The following REPS2 variants were observed in gnomAD, a reference collection of about 807,000 sequenced individuals.
The protein encoded by REPS2 is ralBP1-associated Eps domain-containing protein 2.
Under a neutral mutation model 53.6 loss-of-function variants are expected in REPS2, and 23 were observed. That is an observed-to-expected ratio of 0.43 (90% confidence interval 0.31 to 0.61). The LOEUF is 0.61. REPS2 is among the 20% of genes least tolerant of loss of function. REPS2 has a pLI of 0.11. For synonymous variants in REPS2, 238 were observed against 218.6 expected, an observed-to-expected ratio of 1.09 and a Z score of -0.78; for missense variants, 446 against 534.9, an observed-to-expected ratio of 0.83 and a Z score of 1.64.
chrX:17,010,426 T>G (rs2147809457), intron 2 of REPS2, among the ~76,000 whole-genome samples: 1 of 112,145 alleles, frequency 8.9e-6, no homozygotes, highest in South Asian at 3.7e-4. Context: ...CAGAAGTCCA[T>G]ATCCCTAGGA....
In REPS2 at chrX:17,143,722, C is replaced by A. The variant is rs760454875; in HGVS notation, c.1915-3691C>A. On this transcript the variant is annotated intron_variant, in intron 17 of 17. Transcript: ENST00000357277. ...TTCTAAATCTTCTGTTGTTTAATAA[C>A]CAATAATTTTTTGTTCTCTGTTTAT... Among the ~76,000 whole-genome samples, 24 of 110,977 alleles carry A rather than the reference C, an allele frequency of 2.2e-4. 1 individual carries two copies. The East Asian group carries it at 6.8e-3, about 31-fold the overall frequency.
intron 16 of REPS2, chrX:17,137,691 G>A (rs1354723803): frequency 1.8e-5 from 2 of 111,506 alleles, no homozygotes; most frequent in African/African-American, 6.5e-5. Flanking sequence ...TTGTAGCCTC[G>A]AATTCCTGGG....
intron 8 of REPS2, among the ~76,000 whole-genome samples, chrX:17,060,082 A>G (rs530955487): frequency 5.4e-5 from 6 of 110,480 alleles, no homozygotes; most frequent in South Asian, 7.8e-4. Context: ...AGGAGGATCA[A>G]TTGAGGTCAG....
rs200648745 is a variant in REPS2 at position 16,979,276 on chromosome X, CT to C, written c.274-26943del. Among the ~76,000 whole-genome samples, 875 of 111,646 alleles carry C rather than the reference CT, an allele frequency of 7.8e-3. 11 individuals carry two copies. Among genetic ancestry groups the C allele is most frequent in the African/African-American group, 0.028 (848 of 30,699 alleles). ...GGATTTAAACTAATTGTCTTAAATG[CT>C]TCATGGGATAGGAGATGATCCAATG... is the stretch of plus-strand genomic sequence containing the variant. On this transcript the variant is annotated intron_variant, in intron 1 of 17. Transcript: ENST00000357277.
chrX:17,147,268 C>T, intron 17 of REPS2, 145 bp from the exon 18 acceptor site: 1 of 427,441 alleles, frequency 2.3e-6, no homozygotes. Context: ...AATCTGATAC[C>T]TCCCAGTCCT....
chrX:17,006,743 C>A (rs943056095), intron 2 of REPS2, among the ~76,000 whole-genome samples: 1 of 111,596 alleles, frequency 9.0e-6, no homozygotes, highest in African/African-American at 3.3e-5. Context: ...TTCTCTTTCC[C>A]ATACCTGCCA....
intron 3 of REPS2, 61 bp from the exon 4 acceptor site, chrX:17,024,998 C>T: frequency 1.7e-6 from 2 of 1,207,426 alleles, no homozygotes; most frequent in Non-Finnish European, 2.2e-6. Flanking sequence ...TGCTTCCTGA[C>T]TGCAGCTCAG....
In REPS2 at chrX:17,022,381, A is replaced by G. The variant is rs187674930; in HGVS notation, c.546+110A>G. Reference sequence around the variant, plus strand: ...AGCAAATCTCACCATCTGGAACCCAATTACAGACTTGGAAGTGAGCCAGTA... The same window carrying G: ...AGCAAATCTCACCATCTGGAACCCAGTTACAGACTTGGAAGTGAGCCAGTA... On this transcript the variant is annotated intron_variant, in intron 3 of 17. Coordinates refer to ENST00000357277, the MANE Select transcript of REPS2 (RefSeq NM_004726.3). 187 of 739,743 alleles carry G rather than the reference A, an allele frequency of 2.5e-4. No homozygotes were observed. In the African/African-American group the frequency reaches 2.8e-3, roughly 11 times the overall value. The allele number at this position is 739,743 out of a possible 1,213,427, so 61.0% of individuals were successfully genotyped here. A position where few individuals can be genotyped will look rare whatever the true frequency, so the allele number is the denominator to read the frequency against.
chrX:17,033,902 C>T (rs972928036), intron 5 of REPS2, among the ~76,000 whole-genome samples: 4 of 112,196 alleles, frequency 3.6e-5, no homozygotes, highest in African/African-American at 1.3e-4. Context: ...CCTCCACTCT[C>T]TGGCCATTTC....
chrX:16,949,138 C>G (rs1385410248), intron 1 of REPS2, among the ~76,000 whole-genome samples: 1 of 110,502 alleles, frequency 9.0e-6, no homozygotes, highest in Admixed American at 9.7e-5. Context: ...TTTGCATTAC[C>G]CCATCAGTGT....
intron 14 of REPS2, among the ~76,000 whole-genome samples, chrX:17,107,642 T>C (rs1056162145): frequency 8.9e-6 from 1 of 111,885 alleles, no homozygotes; most frequent in African/African-American, 3.2e-5. Context: ...GTTATACAAA[T>C]GGGGCCCTGG....
the REPS2 span, among the ~76,000 whole-genome samples, chrX:17,189,393 C>G: frequency 2.2e-4 from 24 of 109,095 alleles, no homozygotes; most frequent in Non-Finnish European, 2.5e-4. Context: ...TCAAGCAATT[C>G]TCTTGCCTCA....
intron 4 of REPS2, among the ~76,000 whole-genome samples, chrX:17,026,427 A>G (rs1032420886): frequency 2.8e-5 from 3 of 105,991 alleles, no homozygotes; most frequent in South Asian, 4.1e-4. Context: ...AGTTTCCCTG[A>G]TCTGATTTCC....
intron 13 of REPS2, among the ~76,000 whole-genome samples, chrX:17,102,078 G>T (rs200921142): frequency 0.037 from 2,555 of 69,216 alleles, 90 homozygotes; most frequent in African/African-American, 0.13. Context: ...GTTATGTTAT[G>T]TTATTTTATT....
chrX:17,165,909 G>A, the REPS2 span, among the ~76,000 whole-genome samples: 1 of 111,479 alleles, frequency 9.0e-6, no homozygotes, highest in Non-Finnish European at 1.9e-5. Context: ...TGATATATAT[G>A]TGAACAAAAG....
At chrX:17,043,622 C>A (rs1240725632) in intron 5 of REPS2, among the ~76,000 whole-genome samples, 1 of 111,798 alleles carries the variant, frequency 8.9e-6, no homozygotes, top group Admixed American at 9.5e-5. Context: ...TACAGCCCCA[C>A]TGAGCATCTG....
At chrX:17,019,127 T>C (rs1221008984) in intron 2 of REPS2, among the ~76,000 whole-genome samples, 1 of 112,088 alleles carries the variant, frequency 8.9e-6, no homozygotes, top group African/African-American at 3.2e-5. Flanking sequence ...CTAATATATC[T>C]GTATCTCTAT....
At chrX:16,982,047 A>G (rs2061025153) in intron 1 of REPS2, among the ~76,000 whole-genome samples, 1 of 111,701 alleles carries the variant, frequency 9.0e-6, no homozygotes, top group African/African-American at 3.3e-5. Context: ...TGGCCATTTC[A>G]TATAAATGGA....
intron 1 of REPS2, among the ~76,000 whole-genome samples, chrX:16,993,108 A>C (rs2061182981): frequency 9.0e-6 from 1 of 111,720 alleles, no homozygotes; most frequent in Non-Finnish European, 1.9e-5. Flanking sequence ...CAGGCTATGG[A>C]GTTTGCTGGC....
Sources: gnomAD v4.1 joint callset for allele counts (sites outside exome capture counted in the v4.1 genomes callset) on GRCh38, gnomAD v4.1.1 for gene constraint, MANE v1.5 for transcripts, NCBI Gene and HGNC (gene_info 2026-07-23, HGNC 2026-07-21) for gene names.